PREX1: variants seen among roughly 807,000 people sequenced by gnomAD.
PREX1 encodes phosphatidylinositol-3,4,5-trisphosphate dependent Rac exchange factor 1.
PREX1 carries 41 observed loss-of-function variants against 198.3 expected under a neutral mutation model. The ratio of observed to expected loss-of-function variants is 0.21; its 90% CI spans 0.16 to 0.27. PREX1 has a LOEUF of 0.27. PREX1 is among the 10% of genes least tolerant of loss of function. PREX1 has a pLI of 1.00. For missense variants in PREX1, 1,620 were observed against 2,200.7 expected, an observed-to-expected ratio of 0.74 and a Z score of 5.28; for synonymous variants, 843 against 887.2, an observed-to-expected ratio of 0.95 and a Z score of 0.89.
At chr20:48,751,592 T>G (rs997523572) in intron 1 of PREX1, among the ~76,000 whole-genome samples, 6 of 152,244 alleles carry the variant, frequency 3.9e-5, no homozygotes, top group African/African-American at 1.4e-4. Context: ...CGGCGTCCCC[T>G]GCACTGGCAG....
At chr20:48,633,757 C>A (rs1275931963) in intron 33 of PREX1, among the ~76,000 whole-genome samples, 1 of 152,198 alleles carries the variant, frequency 6.6e-6, no homozygotes, top group African/African-American at 2.4e-5. Flanking sequence ...CCAGACCCCA[C>A]CCCACAAACC....
At chr20:48,824,480 C>T (rs2090500342) in intron 1 of PREX1, among the ~76,000 whole-genome samples, 1 of 152,200 alleles carries the variant, frequency 6.6e-6, no homozygotes, top group Non-Finnish European at 1.5e-5. Context: ...ATCACCCCTG[C>T]TCTCTGGATG....
chr20:48,877,544 T>C, the PREX1 span, among the ~76,000 whole-genome samples: 2 of 152,332 alleles, frequency 1.3e-5, no homozygotes, highest in South Asian at 2.1e-4. Flanking sequence ...AAACTGGCTC[T>C]AGCTGGATCA....
At chr20:48,872,800 C>A in the PREX1 span, among the ~76,000 whole-genome samples, 1 of 151,972 alleles carries the variant, frequency 6.6e-6, no homozygotes, top group African/African-American at 2.4e-5. Flanking sequence ...GTACAAAGTG[C>A]CATGAGGAAG....
At chr20:48,810,784 G>A (rs754445138) in intron 1 of PREX1, among the ~76,000 whole-genome samples, 6 of 151,866 alleles carry the variant, frequency 4.0e-5, no homozygotes, top group Non-Finnish European at 8.8e-5. Flanking sequence ...CTACTTGGGA[G>A]GCTGAGGTAG....
chr20:48,642,078 G>A, intron 29 of PREX1, 90 bp downstream of exon 29: 2 of 1,340,424 alleles, frequency 1.5e-6, no homozygotes, highest in Admixed American at 3.7e-5. Context: ...AGCAGTAGGA[G>A]GGCAGAGCTG....
At chr20:48,862,790 A>AATATATAT in the PREX1 span, among the ~76,000 whole-genome samples, 3,353 of 102,442 alleles carry the variant, frequency 0.033, 116 homozygotes, top group African/African-American at 0.064. Context: ...TAAAAAAAAA[A>AATATATAT]ATATATATAT....
chr20:48,846,877 C>T, the PREX1 span, among the ~76,000 whole-genome samples: 1 of 152,192 alleles, frequency 6.6e-6, no homozygotes, highest in African/African-American at 2.4e-5. Context: ...GTGCCTCACT[C>T]TAGGCGAAGA....
intron 2 of PREX1, among the ~76,000 whole-genome samples, chr20:48,745,811 C>T (rs1375803764): frequency 6.6e-6 from 1 of 152,158 alleles, no homozygotes; most frequent in African/African-American, 2.4e-5. Flanking sequence ...ACCCACCACC[C>T]CGCCACACAC....
At chr20:48,875,415 C>T in the PREX1 span, among the ~76,000 whole-genome samples, 1 of 152,138 alleles carries the variant, frequency 6.6e-6, no homozygotes, top group Non-Finnish European at 1.5e-5. Context: ...AGACGCTGGG[C>T]TGTGCAGGGA....
At chr20:48,791,919 G>C (rs139473329) in intron 1 of PREX1, among the ~76,000 whole-genome samples, 1 of 152,190 alleles carries the variant, frequency 6.6e-6, no homozygotes, top group Non-Finnish European at 1.5e-5. Context: ...TGGCAATACC[G>C]GGCTCGAGTT....
intron 5 of PREX1, among the ~76,000 whole-genome samples, chr20:48,713,727 C>CT (rs2123100181): frequency 6.8e-6 from 1 of 146,278 alleles, no homozygotes; most frequent in South Asian, 2.2e-4. Flanking sequence ...ACAGAACGAA[C>CT]CTGTCTCTAT....
intron 27 of PREX1, 99 bp from the exon 28 acceptor site, chr20:48,642,588 A>C: frequency 1.9e-6 from 2 of 1,068,272 alleles, no homozygotes; most frequent in Non-Finnish European, 2.7e-6. Flanking sequence ...CAGAACTCCA[A>C]ACCCACAAGG....
intron 7 of PREX1, among the ~76,000 whole-genome samples, chr20:48,700,390 C>T (rs2089867616): frequency 6.6e-6 from 1 of 152,020 alleles, no homozygotes; most frequent in African/African-American, 2.4e-5. Context: ...AACATACACA[C>T]CAGATTTTGA....
chr20:48,831,116 AGGCACAAAAT>A (rs761734822), upstream of PREX1, among the ~76,000 whole-genome samples: 41 of 152,154 alleles, frequency 2.7e-4, no homozygotes, highest in Non-Finnish European at 4.9e-4. Flanking sequence ...AGGGCCTCAG[AGGCACAAAAT>A]GGCTGCTGAA....
At chr20:48,794,966 T>C (rs1029211527) in intron 1 of PREX1, among the ~76,000 whole-genome samples, 5 of 152,190 alleles carry the variant, frequency 3.3e-5, no homozygotes, top group Non-Finnish European at 5.9e-5. Context: ...CCCAATGTAT[T>C]GAAACCCTCA....
intron 2 of PREX1, among the ~76,000 whole-genome samples, chr20:48,746,056 C>T (rs1291530232): frequency 2.0e-5 from 3 of 152,136 alleles, no homozygotes; most frequent in African/African-American, 7.2e-5. Context: ...CTCTGTCGCC[C>T]AGGCTGGAGT....
chr20:48,729,908 G>A (rs913501265), intron 4 of PREX1, among the ~76,000 whole-genome samples: 2 of 152,126 alleles, frequency 1.3e-5, no homozygotes, highest in Non-Finnish European at 2.9e-5. Flanking sequence ...TGGATTAGAG[G>A]GGGGACCCTA....
chr20:48,764,698 C>T (rs2090199872), intron 1 of PREX1, among the ~76,000 whole-genome samples: 1 of 149,760 alleles, frequency 6.7e-6, no homozygotes, highest in Non-Finnish European at 1.5e-5. Flanking sequence ...GTGAGAATTG[C>T]TTGAACACGG....
Sources: gnomAD v4.1 joint callset for allele counts (sites outside exome capture counted in the v4.1 genomes callset) on GRCh38, gnomAD v4.1.1 for gene constraint, MANE v1.5 for transcripts, NCBI Gene and HGNC (gene_info 2026-07-23, HGNC 2026-07-21) for gene names.